The following CCDC3 variants were observed in gnomAD, a reference collection of about 807,000 sequenced individuals.
CCDC3 encodes the protein coiled-coil domain-containing protein 3.
Under a neutral mutation model 21.4 loss-of-function variants are expected in CCDC3, and 24 were observed. The observed-to-expected ratio is 1.12, with a 90% confidence interval of 0.81 to 1.58. CCDC3 has a LOEUF of 1.58. CCDC3 is among the 40% of genes most tolerant of loss of function. The pLI is 0.00. For missense variants in CCDC3, 425 were observed against 360.9 expected (o/e 1.18, Z -1.44); for synonymous variants, 186 against 166.0 (o/e 1.12, Z -0.93).
intron 2 of CCDC3, among the ~76,000 whole-genome samples, chr10:12,958,852 A>G (rs1835134471): frequency 6.6e-6 from 1 of 152,028 alleles, no homozygotes; most frequent in Non-Finnish European, 1.5e-5. Flanking sequence ...GGTTCCAGCA[A>G]AGGTCTCACT....
chr10:13,023,010 G>C (rs999163996), intron 5 of CCDC3, among the ~76,000 whole-genome samples: 2 of 151,132 alleles, frequency 1.3e-5, no homozygotes, highest in East Asian at 1.9e-4. Context: ...AAAAGAAAGA[G>C]AGTCAAATAG....
chr10:12,916,953 G>A (rs531199588), intron 2 of CCDC3, among the ~76,000 whole-genome samples: 7 of 152,242 alleles, frequency 4.6e-5, no homozygotes, highest in African/African-American at 9.6e-5. Context: ...TGGGCAGGTC[G>A]GGTGCCAGAG....
intron 5 of CCDC3, among the ~76,000 whole-genome samples, chr10:13,032,319 T>C (rs1473008098): frequency 1.3e-5 from 2 of 152,050 alleles, no homozygotes; most frequent in African/African-American, 2.4e-5. Context: ...CTCAATAAAC[T>C]AGGTATTGAT....
At chr10:13,078,120 G>A (rs1836988213) in intron 3 of CCDC3, among the ~76,000 whole-genome samples, 1 of 151,966 alleles carries the variant, frequency 6.6e-6, no homozygotes, top group Non-Finnish European at 1.5e-5. Context: ...TCTGACAAAG[G>A]GTTAATATCC....
At chr10:13,078,195 C>T (rs577139212) in intron 3 of CCDC3, among the ~76,000 whole-genome samples, 16 of 152,246 alleles carry the variant, frequency 1.1e-4, no homozygotes, top group African/African-American at 3.4e-4. Flanking sequence ...AAAAAGTGGG[C>T]AAAGGATATG....
intron 4 of CCDC3, among the ~76,000 whole-genome samples, chr10:13,072,170 A>G (rs1410939832): frequency 6.6e-6 from 1 of 152,050 alleles, no homozygotes; most frequent in African/African-American, 2.4e-5. Flanking sequence ...TATGTTTCCT[A>G]ATAACCCAGT....
chr10:13,046,106 C>CA (rs1234141768), intron 5 of CCDC3, among the ~76,000 whole-genome samples: 2 of 151,188 alleles, frequency 1.3e-5, no homozygotes, highest in Non-Finnish European at 1.5e-5. Flanking sequence ...CAAAACAAAA[C>CA]AAAAAAAGAA....
At chr10:13,076,914 C>T (rs1300671816) in intron 3 of CCDC3, among the ~76,000 whole-genome samples, 2 of 152,172 alleles carry the variant, frequency 1.3e-5, no homozygotes, top group Non-Finnish European at 2.9e-5. Context: ...GCATAAGGGA[C>T]AAAAATTGCT....
rs115403582 is a variant in CCDC3, at chr10:12,903,630, G to A, written c.550-4951C>T. Among the ~76,000 whole-genome samples, 673 of 152,270 alleles carry A rather than the reference G, an allele frequency of 4.4e-3. 9 individuals are homozygous for A. The highest frequency in any genetic ancestry group is 0.015 in the African/African-American group (611 of 41,554). On this transcript the variant is annotated intron_variant, in intron 2 of 2. Coordinates refer to ENST00000378825, the MANE Select transcript of CCDC3 (RefSeq NM_031455.4). ...CCCGCTCAGGCCTGCAGCACTCAGC[G>A]CCTCCCAGGTGCTTGGGTACCTCTG... is the stretch of plus-strand genomic sequence containing the variant.
At position 13,054,126 on chromosome 10, in the gene CCDC3, CAGAG is replaced by C. The variant is rs71386142; in HGVS notation, c.-269-4189_-269-4186del. Among the ~76,000 whole-genome samples, 179 of 127,172 alleles carry C rather than the reference CAGAG, an allele frequency of 1.4e-3. 1 individual carries two copies. The highest frequency in any genetic ancestry group is 4.8e-3 in the African/African-American group (160 of 33,534). The allele number at this position is 127,172 out of a possible 152,430, so 83.4% of individuals were successfully genotyped here. A position where few individuals can be genotyped will look rare whatever the true frequency, so the allele number is the denominator to read the frequency against. On this transcript the variant is annotated intron_variant, in intron 4 of 6. Transcript: ENST00000378839. ...GGCCGCTGCACTCTGGCCTGGGTGACAGAGAGAGAGAGAGAGAGACTCTGTATCA... is the reference window on the plus strand; with the variant it reads ...GGCCGCTGCACTCTGGCCTGGGTGACAGAGAGAGAGAGAGACTCTGTATCA...
At chr10:13,058,090 C>T (rs1836705648) in intron 4 of CCDC3, 1 of 769,732 alleles carries the variant, frequency 1.3e-6, no homozygotes, top group Non-Finnish European at 2.4e-6. Flanking sequence ...TGATGTGCTT[C>T]TGGTGTACTT....
chr10:12,944,203 T>C (rs1051803595), intron 2 of CCDC3, among the ~76,000 whole-genome samples: 10 of 152,172 alleles, frequency 6.6e-5, no homozygotes, highest in Non-Finnish European at 1.3e-4. Flanking sequence ...TGGGGGAAAC[T>C]TGTGTTCCAT....
upstream of CCDC3, among the ~76,000 whole-genome samples, chr10:13,003,433 C>G (rs1835889918): frequency 6.6e-6 from 1 of 152,170 alleles, no homozygotes; most frequent in Non-Finnish European, 1.5e-5. Context: ...ACTCCAGATC[C>G]ATGTACTTAA....
intron 2 of CCDC3, among the ~76,000 whole-genome samples, chr10:12,951,195 ACTCT>A (rs1410298442): frequency 1.3e-5 from 2 of 152,002 alleles, no homozygotes; most frequent in Non-Finnish European, 2.9e-5. Context: ...ACATAGTGAG[ACTCT>A]CATCTCTACA....
intron 3 of CCDC3, among the ~76,000 whole-genome samples, chr10:13,077,767 C>T (rs1351555863): frequency 4.6e-5 from 7 of 152,164 alleles, no homozygotes. Flanking sequence ...GAAAGGATTC[C>T]CTATTTAATA....
chr10:13,001,547 G>A lies in CCDC3; in HGVS notation c.24C>T (p.Ala8=). The A allele has an allele frequency of 7.9e-7, 1 of 1,270,824 alleles. No individual in the cohort carries two copies. The highest frequency in any genetic ancestry group is 9.9e-7 in the Non-Finnish European group (1 of 1,010,004). 78.7% of individuals were successfully genotyped at this position (1,270,824 alleles called of 1,614,324 possible). Residue 8 remains alanine (A), a synonymous_variant, in exon 1 of 3, where the codon GCC becomes GCT. Coordinates refer to ENST00000378825, the MANE Select transcript of CCDC3 (RefSeq NM_031455.4). ...CTGGGGGACCCGCCAGGCAGAGCGC[G>A]GCGAGCAGCAGCTGGCGCAGCATGC... The part of the protein sequence containing the change: MLRQLLL[A]ALCLAGPPAP...
chr10:12,991,665 A>G (rs1240560067), intron 2 of CCDC3, among the ~76,000 whole-genome samples: 2 of 152,200 alleles, frequency 1.3e-5, no homozygotes, highest in Non-Finnish European at 2.9e-5. Flanking sequence ...AGCCAGTCAG[A>G]TAGAAATGTC....
chr10:12,919,786 G>A (rs1477130003), intron 2 of CCDC3, among the ~76,000 whole-genome samples: 1 of 152,216 alleles, frequency 6.6e-6, no homozygotes, highest in African/African-American at 2.4e-5. Context: ...GAGATGGCAT[G>A]CAGCTCCCAG....
At chr10:12,976,549 C>G (rs1835420612) in intron 2 of CCDC3, among the ~76,000 whole-genome samples, 1 of 152,218 alleles carries the variant, frequency 6.6e-6, no homozygotes, top group South Asian at 2.1e-4. Flanking sequence ...GGGAAGGTAT[C>G]TTAGAGAATT....
Sources: allele counts gnomAD v4.1 joint callset (sites outside exome capture counted in the v4.1 genomes callset), GRCh38; gene constraint gnomAD v4.1.1; transcripts MANE v1.5; gene names NCBI Gene and HGNC (gene_info 2026-07-23, HGNC 2026-07-21).